Variants in HPSE2 observed in about 807,000 individuals in gnomAD.
The protein encoded by HPSE2 is heparanase 2 (inactive), also known as inactive heparanase-2.
A neutral mutation model predicts 60.5 loss-of-function variants in HPSE2; 38 were observed. The ratio of observed to expected loss-of-function variants is 0.63; its 90% confidence interval spans 0.48 to 0.82. HPSE2 has a LOEUF of 0.82. Among genes scored for constraint, HPSE2 ranks in the 40% least tolerant of loss-of-function variants. The pLI, the probability that HPSE2 is intolerant of heterozygous loss-of-function variation, is 0.00. For synonymous variants in HPSE2, 295 were observed against 293.2 expected (o/e 1.01, Z -0.06); for missense variants, 713 against 740.4 (o/e 0.96, Z 0.43).
At chr10:98,581,639 T>C (rs1382601546) in intron 9 of HPSE2, among the ~76,000 whole-genome samples, 1 of 152,156 alleles carries the variant, frequency 6.6e-6, no homozygotes, top group Non-Finnish European at 1.5e-5. Flanking sequence ...GTAGTGGGAA[T>C]AGTCCACCCT....
intron 3 of HPSE2, among the ~76,000 whole-genome samples, chr10:98,993,592 T>C (rs980140234): frequency 1.3e-5 from 2 of 152,218 alleles, no homozygotes; most frequent in Admixed American, 6.5e-5. Context: ...AAAAGAGTTA[T>C]TTCCTTTTAG....
chr10:99,187,735 A>G (rs916614513), intron 2 of HPSE2, among the ~76,000 whole-genome samples: 5 of 152,348 alleles, frequency 3.3e-5, no homozygotes, highest in African/African-American at 1.2e-4. Flanking sequence ...GACTGACTAT[A>G]ATAAGCTTTG....
At chr10:98,896,118 C>CTA (rs1953485910) in intron 3 of HPSE2, among the ~76,000 whole-genome samples, 1 of 151,832 alleles carries the variant, frequency 6.6e-6, no homozygotes, top group South Asian at 2.1e-4. Context: ...AAAACCTCAT[C>CTA]TATAGTATCT....
intron 6 of HPSE2, among the ~76,000 whole-genome samples, chr10:98,662,084 A>G (rs524903): frequency 0.73 from 110,815 of 151,930 alleles, 42,375 homozygotes; most frequent in South Asian, 0.95. Context: ...TAGTAGAGAC[A>G]GGGTTTCACC....
At chr10:98,504,695 C>T (rs1942140019) in intron 9 of HPSE2, among the ~76,000 whole-genome samples, 1 of 148,704 alleles carries the variant, frequency 6.7e-6, no homozygotes, top group Non-Finnish European at 1.5e-5. Flanking sequence ...GAGGCTGAGG[C>T]GGGAGAATGG....
intron 3 of HPSE2, among the ~76,000 whole-genome samples, chr10:98,915,973 G>A (rs1455784348): frequency 6.6e-6 from 1 of 152,104 alleles, no homozygotes; most frequent in East Asian, 1.9e-4. Flanking sequence ...TTCCACATAG[G>A]ATTCACAACA....
chr10:98,843,136 G>A (rs1314958314), intron 3 of HPSE2, among the ~76,000 whole-genome samples: 6 of 151,550 alleles, frequency 4.0e-5, no homozygotes, highest in South Asian at 2.1e-4. Context: ...TTCATCACCC[G>A]GGTATTAAGC....
chr10:98,844,763 C>G (rs1387240173), intron 3 of HPSE2, among the ~76,000 whole-genome samples: 1 of 152,122 alleles, frequency 6.6e-6, no homozygotes, highest in Non-Finnish European at 1.5e-5. Flanking sequence ...ATACACGTTT[C>G]TAATATTTAA....
intron 3 of HPSE2, among the ~76,000 whole-genome samples, chr10:98,776,357 G>A (rs570521614): frequency 4.6e-4 from 70 of 152,000 alleles, no homozygotes; most frequent in Non-Finnish European, 6.0e-4. Flanking sequence ...TGAAGCAGGA[G>A]AATCACTTGA....
At chr10:98,700,176 G>A (rs1948363130) in intron 5 of HPSE2, among the ~76,000 whole-genome samples, 1 of 151,892 alleles carries the variant, frequency 6.6e-6, no homozygotes, top group Non-Finnish European at 1.5e-5. Context: ...AAAAGAGCCT[G>A]CATCACCAAG....
At chr10:99,092,726 C>A (rs1480443996) in intron 3 of HPSE2, among the ~76,000 whole-genome samples, 2 of 152,066 alleles carry the variant, frequency 1.3e-5, no homozygotes, top group Non-Finnish European at 2.9e-5. Context: ...CCACCATTTT[C>A]TTAATACATA....
At chr10:98,580,483 C>T (rs1217814712) in intron 9 of HPSE2, among the ~76,000 whole-genome samples, 2 of 152,072 alleles carry the variant, frequency 1.3e-5, no homozygotes, top group East Asian at 1.9e-4. Context: ...GGACTTTTCT[C>T]TATTTCATTT....
At chr10:98,724,796 G>T (rs1217677178) in intron 4 of HPSE2, among the ~76,000 whole-genome samples, 4 of 151,786 alleles carry the variant, frequency 2.6e-5, no homozygotes, top group Non-Finnish European at 4.4e-5. Context: ...AAACCCTCAG[G>T]ACACAAAATC....
At chr10:98,830,040 G>T (rs1421052806) in intron 3 of HPSE2, among the ~76,000 whole-genome samples, 2 of 152,120 alleles carry the variant, frequency 1.3e-5, no homozygotes, top group Non-Finnish European at 2.9e-5. Context: ...CACTAATGGG[G>T]ATTTTTAAAG....
intron 3 of HPSE2, among the ~76,000 whole-genome samples, chr10:98,840,717 A>T (rs1320062671): frequency 6.6e-6 from 1 of 152,162 alleles, no homozygotes; most frequent in Non-Finnish European, 1.5e-5. Context: ...AAAGAATGGG[A>T]AGAAAATAAG....
chr10:98,473,597 T>C (rs1000799419), intron 11 of HPSE2, among the ~76,000 whole-genome samples: 1 of 150,568 alleles, frequency 6.6e-6, no homozygotes, highest in Non-Finnish European at 1.5e-5. Flanking sequence ...ATTCTAAAAC[T>C]CAGTGGATTC....
At chr10:98,620,755 T>A (rs1946051708) in intron 7 of HPSE2, 47 bp from the exon 8 acceptor site, 1 of 1,223,254 alleles carries the variant, frequency 8.2e-7, no homozygotes, top group African/African-American at 1.5e-5. Flanking sequence ...TTTTAAAAGC[T>A]ATTCCCACAT....
intron 6 of HPSE2, among the ~76,000 whole-genome samples, chr10:98,676,725 C>T (rs1947652370): frequency 6.6e-6 from 1 of 152,114 alleles, no homozygotes. Flanking sequence ...GGCCATGAGA[C>T]TCTACATTTA....
chr10:98,811,713 A>T (rs1443055694), intron 3 of HPSE2, among the ~76,000 whole-genome samples: 4 of 152,168 alleles, frequency 2.6e-5, no homozygotes, highest in African/African-American at 9.6e-5. Flanking sequence ...TGACCAAAAA[A>T]ATCCTTCTGG....
Sources: allele counts gnomAD v4.1 joint callset (sites outside exome capture counted in the v4.1 genomes callset), GRCh38; gene constraint gnomAD v4.1.1; transcripts MANE v1.5; gene names NCBI Gene and HGNC (gene_info 2026-07-23, HGNC 2026-07-21).